Variants in AFF3 observed in about 807,000 individuals in gnomAD.
AFF3 encodes the protein ALF transcription elongation factor 3, also known as AF4/FMR2 family member 3.
Under a neutral mutation model 129.7 loss-of-function variants are expected in AFF3, and 32 were observed. The ratio of observed to expected loss-of-function variants is 0.25; its 90% confidence interval spans 0.19 to 0.33. The LOEUF (loss-of-function observed/expected upper bound fraction) is 0.33, where lower values mean the gene tolerates loss of function less well. Among genes scored for constraint, AFF3 ranks in the 10% least tolerant of loss-of-function variants. AFF3 has a pLI of 1.00. For synonymous variants in AFF3, 644 were observed against 635.4 expected (o/e 1.01, Z -0.20); for missense variants, 1,373 against 1,592.0 (o/e 0.86, Z 2.34).
chr2:99,579,975 T>A (rs1677374892), intron 17 of AFF3, among the ~76,000 whole-genome samples: 2 of 152,144 alleles, frequency 1.3e-5, no homozygotes, highest in Middle Eastern at 6.3e-3. Context: ...AGGGTTAGAG[T>A]CTACTGTCAT....
chr2:99,628,161 T>C (rs1226314346), intron 13 of AFF3, among the ~76,000 whole-genome samples: 2 of 152,242 alleles, frequency 1.3e-5, no homozygotes, highest in East Asian at 1.9e-4. Context: ...TTGGGCAGTA[T>C]GGCCATTTTC....
chr2:99,682,673 C>T (rs1674641429), intron 11 of AFF3, among the ~76,000 whole-genome samples: 2 of 152,190 alleles, frequency 1.3e-5, no homozygotes, highest in Non-Finnish European at 2.9e-5. Context: ...GCATCATCTC[C>T]CCTTTGAAGC....
At chr2:99,868,017 C>CTTTT (rs397779127) in intron 7 of AFF3, among the ~76,000 whole-genome samples, 16 of 144,072 alleles carry the variant, frequency 1.1e-4, no homozygotes, top group African/African-American at 3.1e-4. Flanking sequence ...TCTTTCTTTC[C>CTTTT]TTTTTTTTTT....
intron 7 of AFF3, among the ~76,000 whole-genome samples, chr2:99,930,404 C>A (rs1696589126): frequency 6.6e-6 from 1 of 152,200 alleles, no homozygotes; most frequent in South Asian, 2.1e-4. Context: ...AGAGTTCAGA[C>A]AGAACCCTGA....
Position 100,011,574 on chromosome 2 carries a change from G to A in AFF3, c.54-2642C>T, listed in dbSNP as rs201582908. ...TCTGGTTTAAGATGTCTTCACCCCT[G>A]CAAGAAATATAAACACCACAAGAAG... On this transcript the variant is annotated intron_variant, in intron 4 of 24. Transcript: ENST00000672756. 2.8e-5 allele frequency: 22 copies of A among 780,856 alleles called. No homozygotes were observed. In the East Asian group the frequency reaches 5.3e-4, roughly 19 times the overall value. The allele number at this position is 780,856 out of a possible 1,614,324, so 48.4% of individuals were successfully genotyped here.
chr2:99,715,461 C>A (rs1465842313), intron 11 of AFF3, among the ~76,000 whole-genome samples: 5 of 152,106 alleles, frequency 3.3e-5, no homozygotes, highest in Non-Finnish European at 5.9e-5. Flanking sequence ...TGAATTCCAA[C>A]TAATATATTA....
At chr2:99,729,305 T>G (rs1294518667) in intron 10 of AFF3, among the ~76,000 whole-genome samples, 6 of 152,216 alleles carry the variant, frequency 3.9e-5, no homozygotes, top group Admixed American at 3.3e-4. Context: ...TGCCCAAGTC[T>G]TCAGCATGGG....
At chr2:99,725,338 G>A (rs1360258193) in intron 11 of AFF3, among the ~76,000 whole-genome samples, 1 of 151,808 alleles carries the variant, frequency 6.6e-6, no homozygotes, top group Non-Finnish European at 1.5e-5. Context: ...AGTGCTTTTA[G>A]GCAATAAACT....
chr2:99,772,851 C>T (rs1165717126), intron 8 of AFF3, among the ~76,000 whole-genome samples: 1 of 152,206 alleles, frequency 6.6e-6, no homozygotes, highest in African/African-American at 2.4e-5. Flanking sequence ...GATTAATCTT[C>T]CCCAAATGCC....
intron 8 of AFF3, among the ~76,000 whole-genome samples, chr2:99,781,869 T>C (rs1321049774): frequency 6.6e-6 from 1 of 152,190 alleles, no homozygotes; most frequent in African/African-American, 2.4e-5. Context: ...GAAAGAGTGA[T>C]TTAAACTTAA....
chr2:100,112,824 C>T (rs904381054), intron 2 of AFF3, among the ~76,000 whole-genome samples: 6 of 151,548 alleles, frequency 4.0e-5, no homozygotes, highest in Non-Finnish European at 5.9e-5. Context: ...CCTGCTCCAC[C>T]ACTATCTATA....
intron 8 of AFF3, among the ~76,000 whole-genome samples, chr2:99,759,569 A>C (rs562196139): frequency 6.6e-6 from 1 of 152,350 alleles, no homozygotes; most frequent in African/African-American, 2.4e-5. Flanking sequence ...ATTATAGCTA[A>C]GTATTTCCGT....
chr2:99,927,093 A>C (rs1696304784), intron 7 of AFF3, among the ~76,000 whole-genome samples: 1 of 152,154 alleles, frequency 6.6e-6, no homozygotes, highest in Non-Finnish European at 1.5e-5. Context: ...AGGATGTGAA[A>C]ACTGCACTAT....
At chr2:99,622,209 C>T (rs1682090076) in intron 13 of AFF3, among the ~76,000 whole-genome samples, 1 of 152,102 alleles carries the variant, frequency 6.6e-6, no homozygotes, top group South Asian at 2.1e-4. Context: ...CGTTCTCCTC[C>T]AACCATGGCA....
At chr2:100,130,580 G>A (rs1559138975) in intron 1 of AFF3, among the ~76,000 whole-genome samples, 1 of 152,232 alleles carries the variant, frequency 6.6e-6, no homozygotes, top group African/African-American at 2.4e-5. Context: ...TCTTATAGCA[G>A]TGCGTTGCCT....
intron 7 of AFF3, among the ~76,000 whole-genome samples, chr2:99,989,794 A>G (rs1312873599): frequency 6.6e-6 from 1 of 152,208 alleles, no homozygotes; most frequent in African/African-American, 2.4e-5. Context: ...ATTCTCTTTC[A>G]TTTTACTTGT....
chr2:99,762,370 C>A (rs1427137790), intron 8 of AFF3, among the ~76,000 whole-genome samples: 5 of 152,160 alleles, frequency 3.3e-5, no homozygotes, highest in Non-Finnish European at 7.3e-5. Context: ...GGCGATCCAC[C>A]TGCCTTGGCC....
At chr2:99,662,232 T>C (rs1297530201) in intron 12 of AFF3, among the ~76,000 whole-genome samples, 1 of 152,146 alleles carries the variant, frequency 6.6e-6, no homozygotes, top group Non-Finnish European at 1.5e-5. Context: ...TCACTGATTA[T>C]GATGGGAGGT....
At chr2:99,797,737 G>A (rs1685649892) in intron 8 of AFF3, among the ~76,000 whole-genome samples, 1 of 152,058 alleles carries the variant, frequency 6.6e-6, no homozygotes, top group Admixed American at 6.6e-5. Flanking sequence ...AACAATGCAA[G>A]TAAGAAGACA....
Sources: allele counts gnomAD v4.1 joint callset (sites outside exome capture counted in the v4.1 genomes callset), GRCh38; gene constraint gnomAD v4.1.1; transcripts MANE v1.5; gene names NCBI Gene and HGNC (gene_info 2026-07-23, HGNC 2026-07-21).